LAMA5: variants seen among roughly 807,000 people sequenced by gnomAD.
LAMA5 encodes the protein laminin subunit alpha-5.
A neutral mutation model predicts 433.4 loss-of-function variants in LAMA5; 260 were observed. The observed-to-expected ratio is 0.60, with a 90% CI of 0.54 to 0.66. The LOEUF (loss-of-function observed/expected upper bound fraction) is 0.66. Ranked by LOEUF, LAMA5 falls within the 30% of genes least tolerant of loss-of-function variation. The probability of loss-of-function intolerance (pLI) is 0.00; values close to 1 mark genes in which losing one functional copy is unlikely to be tolerated. For synonymous variants in LAMA5, 2,620 were observed against 2,226.6 expected (o/e 1.18, Z -4.97); for missense variants, 5,378 against 5,258.5 (o/e 1.02, Z -0.70).
At chr20:62,309,634 A>AGGGTGGGAGG (rs1555864616) in intron 79 of LAMA5, 82 bp downstream of exon 79, 2 of 425,054 alleles carry the variant, frequency 4.7e-6, no homozygotes, top group Non-Finnish European at 7.0e-6. Flanking sequence ...CAGGGGGTGG[A>AGGGTGGGAGG]GGGGTGGGGG....
chr20:62,309,515 G>A, intron 79 of LAMA5, 40 bp from the exon 80 acceptor site: 3 of 1,510,224 alleles, frequency 2.0e-6, no homozygotes, highest in Non-Finnish European at 2.7e-6. Context: ...TGGTTGGTGG[G>A]CAGCTAGAGA....
chr20:62,357,888 C>T (rs1363764994), intron 2 of LAMA5, among the ~76,000 whole-genome samples: 1 of 152,196 alleles, frequency 6.6e-6, no homozygotes, highest in Non-Finnish European at 1.5e-5. Context: ...CACTGCAGCC[C>T]AAGCTCCAGG....
rs753464011 is a variant in LAMA5, at chr20:62,316,942, G to A, written c.7593C>T (p.Ala2531=). 1.0e-4 allele frequency: 159 copies of A among 1,565,804 alleles called. No homozygotes were observed. The Admixed American group carries it at 1.1e-3, about 11-fold the overall frequency. Residue 2531 remains alanine, a synonymous_variant, in exon 56 of 80, where the codon GCC becomes GCT. Transcript: ENST00000252999. ...ASNAYSRILQ[A]VQAAEDAAGQ... The stretch of plus-strand genomic sequence containing the variant: ...CAGCAGCATCCTCGGCAGCCTGCAC[G>A]GCCTGCAGGATGCGGCTGTAGGCGT...
In LAMA5 at chr20:62,318,550, G is replaced by C; in HGVS notation, c.7143C>G (p.Leu2381=). ...RDRLAQHEAG[L]MDLREALNRA... is the part of the protein sequence containing the mutation. ...GGTTCAAAGCCTCTCGCAGGTCCAT[G>C]AGGCCGGCCTCGTGCTGGGCCAGCC... The change falls in exon 53 of 80, where the codon CTC becomes CTG. Residue 2381 remains leucine (L), a synonymous_variant. Coordinates refer to ENST00000252999, the MANE Select transcript of LAMA5 (RefSeq NM_005560.6). The C allele has an allele frequency of 1.9e-6, 3 of 1,610,182 alleles. No homozygotes were observed. The highest frequency in any genetic ancestry group is 2.5e-6 in the Non-Finnish European group (3 of 1,179,076).
chr20:62,324,102 G>A lies in LAMA5; in HGVS notation c.5746C>T (p.Pro1916Ser), dbSNP rs1978826022. ...PSAPCVSCPC[P>S]LSVPSNNFAE... The stretch of plus-strand genomic sequence containing the variant: ...TACTTGTTGGAAGGCACTGAGAGGG[G>A]GCAGGGGCAGCTGACACAGGGGGCG... The change falls in exon 43 of 80, where the codon CCC becomes TCC. Residue 1916 changes from proline to serine, a missense_variant. Physicochemically the swap from Pro to Ser is moderately conservative, Grantham distance 74. Transcript: ENST00000252999. This position sits in a 1 kb window ranked among gnomAD's most constrained non-coding sequence, Gnocchi z 4.4. The A allele has an allele frequency of 6.6e-7, 1 of 1,522,896 alleles. No homozygotes were observed. Among genetic ancestry groups the A allele is most frequent in the Non-Finnish European group, 8.8e-7 (1 of 1,138,210 alleles). The allele number at this position is 1,522,896 out of a possible 1,614,324, so 94.3% of individuals were successfully genotyped here.
intron 7 of LAMA5, 35 bp downstream of exon 7, chr20:62,346,878 G>T: frequency 6.2e-7 from 1 of 1,609,120 alleles, no homozygotes; most frequent in Non-Finnish European, 8.5e-7. Context: ...GCCAGGGTGT[G>T]GGCAGGACAC....
intron 48 of LAMA5, 75 bp downstream of exon 48, chr20:62,321,944 C>G (rs2146120124): frequency 6.9e-7 from 1 of 1,454,668 alleles, no homozygotes; most frequent in East Asian, 2.3e-5. Context: ...GACGTTAACA[C>G]TGGGGTCACC....
In LAMA5 at chr20:62,351,916, G is replaced by A; in HGVS notation, c.851C>T (p.Thr284Ile). ...GCGCCATGGGCAGCTCACCCGGCGG[G>A]TGACCGTGGGGTCCCGCAGCGCCTT... ...MGKALRDPTVTRRYYYSIKDI... is the reference protein window; with the variant it reads ...MGKALRDPTVIRRYYYSIKDI... Residue 284 changes from threonine (T) to isoleucine (I), a missense_variant, in exon 5 of 80, where the codon ACC becomes ATC. Physicochemically the swap from Thr to Ile is moderately conservative, Grantham distance 89 (BLOSUM62 -1). Transcript: ENST00000252999. The A allele has an allele frequency of 6.2e-7, 1 of 1,604,280 alleles. No homozygotes were observed. Among genetic ancestry groups the A allele is most frequent in the South Asian group, 1.1e-5 (1 of 89,860 alleles).
Position 62,326,915 on chromosome 20 carries a change from G to A in LAMA5, c.5164C>T (p.Arg1722Trp), listed in dbSNP as rs375141745. The change falls in exon 39 of 80, where the codon CGG becomes TGG. Residue 1722 changes from arginine (R) to tryptophan (W), a missense_variant. Physicochemically the swap from Arg to Trp is moderately radical, Grantham distance 101. Transcript: ENST00000252999. ...LRYELHSETQ[R>W]GDVFVPMESR... ...TCCATGGGGACAAAGACATCTCCCC[G>A]CTGGGTCTCTGAGTGCAGTTCATAA... The A allele has an allele frequency of 3.6e-5, 58 of 1,612,216 alleles. No individual in the cohort carries two copies. The highest frequency in any genetic ancestry group is 1.9e-4 in the African/African-American group (14 of 75,020).
At chr20:62,311,816 T>TTGGGCCCC in intron 70 of LAMA5, 32 bp from the exon 71 acceptor site, 64 of 1,520,748 alleles carry the variant, frequency 4.2e-5, no homozygotes, top group Non-Finnish European at 5.4e-5. Flanking sequence ...GCTCGGTTTT[T>TTGGGCCCC]CCCCACCCTG....
rs926973025 is a variant in LAMA5 at position 62,333,157 on chromosome 20, G to T, written c.3215C>A (p.Pro1072His). The T allele has an allele frequency of 2.6e-6, 4 of 1,515,922 alleles. No individual in the cohort carries two copies. Among genetic ancestry groups the T allele is most frequent in the Non-Finnish European group, 3.5e-6 (4 of 1,134,238 alleles). The allele number at this position is 1,515,922 out of a possible 1,614,324, so 93.9% of individuals were successfully genotyped here. A position where few individuals can be genotyped will look rare whatever the true frequency, so the allele number is the denominator to read the frequency against. Residue 1072 changes from proline to histidine, a missense_variant, in exon 26 of 80, where the codon CCC becomes CAC. Transcript: ENST00000252999. ...GAGCTGCTCCGTGGGGCAGGGCCGG[G>T]GCAGGCTGTTGTCCTGGCGACACAG... Reference protein sequence around the residue: ...EALCRQDNSLPRPCPTEQLSP... With the variant: ...EALCRQDNSLHRPCPTEQLSP...
chr20:62,338,704 T>C (rs1190425259), intron 11 of LAMA5, 96 bp from the exon 12 acceptor site: 2 of 1,203,592 alleles, frequency 1.7e-6, no homozygotes, highest in African/African-American at 1.5e-5. Flanking sequence ...CTCATTTTCT[T>C]ACACTTTTAC....
In LAMA5 at chr20:62,317,383, G is replaced by T; in HGVS notation, c.7473C>A (p.His2491Gln). Residue 2491 changes from histidine to glutamine, a missense_variant, in exon 55 of 80, where the codon CAC becomes CAA. His to Gln is a conservative substitution (Grantham distance 24). Transcript: ENST00000252999. ...GTGCCAGCTGGCCCAGCTGCTGTGC[G>T]TGGGCCTCGGCGGCCTCCACTAGAC... ...KLRLVEAAEA[H>Q]AQQLGQLALN... The T allele has an allele frequency of 6.2e-7, 1 of 1,609,708 alleles. No homozygotes were observed. The highest frequency in any genetic ancestry group is 8.5e-7 in the Non-Finnish European group (1 of 1,179,132).
intron 36 of LAMA5, 76 bp downstream of exon 36, chr20:62,327,790 C>A: frequency 6.4e-7 from 1 of 1,570,276 alleles, no homozygotes; most frequent in Non-Finnish European, 8.7e-7. Context: ...CCCAGCTGCC[C>A]CGAAAGGCCC....
chr20:62,326,168 C>T (rs1345517346), intron 40 of LAMA5, among the ~76,000 whole-genome samples: 3 of 151,312 alleles, frequency 2.0e-5, no homozygotes, highest in South Asian at 2.1e-4. Flanking sequence ...TGCAGTAAGC[C>T]GAGATTGCAC....
rs1301488271 is a variant in LAMA5, at chr20:62,359,553, C to T, written c.450+2847G>A. Among the ~76,000 whole-genome samples, 1 of 152,092 alleles carries T rather than the reference C, an allele frequency of 6.6e-6. No homozygotes were observed. Among genetic ancestry groups the T allele is most frequent in the Non-Finnish European group, 1.5e-5 (1 of 68,004 alleles). On this transcript the variant is annotated intron_variant, in intron 2 of 79. Transcript: ENST00000252999. The surrounding 1 kb of genome is among the most constrained non-coding windows in gnomAD (Gnocchi z 4.3). ...AGGCCAGTGATGTGGCCGCTCAGTTCCAGAAGCTTCCGGAGGATGCAAGGA... is the reference window on the plus strand; with the variant it reads ...AGGCCAGTGATGTGGCCGCTCAGTTTCAGAAGCTTCCGGAGGATGCAAGGA...
Position 62,316,869 on chromosome 20 carries a change from TGA to T in LAMA5, c.7653+11_7653+12del. 11 of 1,531,082 alleles carry T rather than the reference TGA, an allele frequency of 7.2e-6. No homozygotes were observed. Among genetic ancestry groups the T allele is most frequent in the Non-Finnish European group, 9.7e-6 (11 of 1,138,264 alleles). The allele number at this position is 1,531,082 out of a possible 1,614,324, so 94.8% of individuals were successfully genotyped here. ...CGCTCCTGCTGGGGCTGAGGGGAAG[TGA>T]GGGGCCTCACCGCCCACGTGTGGTC... On this transcript the variant is annotated intron_variant, in intron 56 of 79. Transcript: ENST00000252999.
At chr20:62,332,057 A>G (rs1287787370) in intron 28 of LAMA5, among the ~76,000 whole-genome samples, 3 of 151,990 alleles carry the variant, frequency 2.0e-5, no homozygotes, top group Non-Finnish European at 2.9e-5. Context: ...ATTTCAAAAA[A>G]AAAAAAAAAG....
Position 62,313,093 on chromosome 20 carries a change from G to A in LAMA5, c.8950C>T (p.Gln2984Ter). The change falls in exon 65 of 80, where the codon CAG becomes TAG. Residue 2984 changes from glutamine to a stop codon, truncating the protein, a stop_gained. Transcript: ENST00000252999. LOFTEE classifies it high-confidence loss of function. Reference sequence around the variant, plus strand: ...GACGGGTGTGCCTGGCGCACCTGCTGCTTCAGGAAGAAGAGCACCCCGCTG... The same window carrying A: ...GACGGGTGTGCCTGGCGCACCTGCTACTTCAGGAAGAAGAGCACCCCGCTG... ...SYSGVLFFLK[Q>*]QSQFLCLAVQ... 6.2e-7 allele frequency: 1 copy of A among 1,609,492 alleles called. No individual in the cohort carries two copies. Among genetic ancestry groups the A allele is most frequent in the Non-Finnish European group, 8.5e-7 (1 of 1,179,508 alleles).
Sources: allele counts gnomAD v4.1 joint callset (sites outside exome capture counted in the v4.1 genomes callset), GRCh38; gene constraint gnomAD v4.1.1; non-coding constraint Gnocchi (gnomAD v3.1); transcripts MANE v1.5; gene names NCBI Gene and HGNC (gene_info 2026-07-23, HGNC 2026-07-21).